Variants in AK5 observed in about 807,000 individuals in gnomAD.
The protein encoded by AK5 is adenylate kinase isoenzyme 5.
AK5 carries 27 observed loss-of-function variants against 69.5 expected under a neutral mutation model. The observed-to-expected ratio is 0.39, with a 90% CI of 0.29 to 0.54. AK5 has a LOEUF of 0.54. Among genes scored for constraint, AK5 ranks in the 20% least tolerant of loss-of-function variants. The pLI, the probability that AK5 is intolerant of heterozygous loss-of-function variation, is 0.71. For missense variants in AK5, 531 were observed against 700.4 expected, an observed-to-expected ratio of 0.76 and a Z score of 2.73; for synonymous variants, 260 against 244.4, an observed-to-expected ratio of 1.06 and a Z score of -0.60.
chr1:77,425,392 C>T (rs1651132253), intron 8 of AK5, among the ~76,000 whole-genome samples: 1 of 152,120 alleles, frequency 6.6e-6, no homozygotes, highest in African/African-American at 2.4e-5. Flanking sequence ...TTGAGACCAG[C>T]TTGGCCAACA....
chr1:77,424,462 G>T (rs1009085547), intron 8 of AK5, among the ~76,000 whole-genome samples: 2 of 151,796 alleles, frequency 1.3e-5, no homozygotes, highest in Non-Finnish European at 2.9e-5. Context: ...ATGCTGTGTT[G>T]CCCAGGCTGG....
intron 13 of AK5, among the ~76,000 whole-genome samples, chr1:77,546,577 G>C (rs1306807222): frequency 6.6e-6 from 1 of 152,158 alleles, no homozygotes; most frequent in East Asian, 1.9e-4. Flanking sequence ...GGGTGTGGTG[G>C]TGTGCGTCTG....
intron 6 of AK5, among the ~76,000 whole-genome samples, chr1:77,367,569 A>ATATATATATATATATGT (rs1553139695): frequency 2.2e-4 from 7 of 31,618 alleles, no homozygotes; most frequent in African/African-American, 3.8e-4. Flanking sequence ...ATATATATAT[A>ATATATATATATATATGT]TATATATATA....
At chr1:77,531,251 G>C (rs528436615) in intron 12 of AK5, among the ~76,000 whole-genome samples, 1 of 152,164 alleles carries the variant, frequency 6.6e-6, no homozygotes, top group African/African-American at 2.4e-5. Flanking sequence ...CCCAAAGAGT[G>C]AGCAGTAGCA....
chr1:77,471,391 T>C (rs1177000626), intron 8 of AK5, among the ~76,000 whole-genome samples: 1 of 152,246 alleles, frequency 6.6e-6, no homozygotes, highest in Non-Finnish European at 1.5e-5. Context: ...AATGTAGTTA[T>C]TGTTATTGTA....
intron 5 of AK5, among the ~76,000 whole-genome samples, chr1:77,301,629 A>G (rs1285770068): frequency 6.6e-6 from 1 of 152,154 alleles, no homozygotes; most frequent in Non-Finnish European, 1.5e-5. Flanking sequence ...AAAGTGGAGA[A>G]TCTCTACTCT....
chr1:77,475,195 A>ATATGTGTG (rs1182380859), intron 8 of AK5, among the ~76,000 whole-genome samples: 8 of 29,158 alleles, frequency 2.7e-4, no homozygotes, highest in African/African-American at 9.7e-4. Flanking sequence ...ATATATATAT[A>ATATGTGTG]TGTGTGTGTG....
In AK5 at chr1:77,532,084, C is replaced by G. The variant is rs185786134; in HGVS notation, c.1429-3763C>G. The G allele has an allele frequency of 5.3e-3, 809 of 153,276 alleles. 17 individuals are homozygous for G. Among genetic ancestry groups the G allele is most frequent in the East Asian group, 0.028 (147 of 5,166 alleles). The allele number at this position is 153,276 out of a possible 1,614,324, so 9.5% of individuals were successfully genotyped here. ...GCGCCTGCAAGCGCTGCGCACAGTC[C>G]CGGTTCCCGCCTGCGCCTCTCCCTC... On this transcript the variant is annotated intron_variant, in intron 12 of 13. Transcript: ENST00000354567.
chr1:77,487,940 GA>G (rs1655704468), intron 10 of AK5, among the ~76,000 whole-genome samples: 1 of 152,242 alleles, frequency 6.6e-6, no homozygotes, highest in Non-Finnish European at 1.5e-5. Flanking sequence ...AAAGTATTAG[GA>G]AGGAACCAAA....
chr1:77,528,519 C>A (rs556199769), intron 12 of AK5, among the ~76,000 whole-genome samples: 1 of 152,166 alleles, frequency 6.6e-6, no homozygotes, highest in African/African-American at 2.4e-5. Context: ...CATATGACAT[C>A]GCTAAAAATC....
At chr1:77,446,038 T>C (rs1652731905) in intron 8 of AK5, among the ~76,000 whole-genome samples, 1 of 152,232 alleles carries the variant, frequency 6.6e-6, no homozygotes, top group African/African-American at 2.4e-5. Context: ...CTCCTGTGTT[T>C]TCTTTTAGGA....
chr1:77,416,255 T>A (rs1006795257), intron 7 of AK5, among the ~76,000 whole-genome samples: 1 of 152,166 alleles, frequency 6.6e-6, no homozygotes, highest in African/African-American at 2.4e-5. Context: ...GTTTCCCACC[T>A]CTACCTTCTA....
intron 6 of AK5, among the ~76,000 whole-genome samples, chr1:77,387,217 A>T (rs1648095773): frequency 1.3e-5 from 2 of 152,230 alleles, no homozygotes; most frequent in South Asian, 4.1e-4. Context: ...TGACCAGAAG[A>T]CTAAGCCAGA....
chr1:77,439,802 ATACATACATATATATG>A (rs1293578361), intron 8 of AK5, among the ~76,000 whole-genome samples: 1 of 151,670 alleles, frequency 6.6e-6, no homozygotes, highest in Non-Finnish European at 1.5e-5. Context: ...GTATATGTAT[ATACATACATATATATG>A]TATGTATGTA....
chr1:77,320,762 T>C (rs937278204), intron 5 of AK5, among the ~76,000 whole-genome samples: 1 of 151,996 alleles, frequency 6.6e-6, no homozygotes, highest in Admixed American at 6.6e-5. Flanking sequence ...AAAAAAGGTA[T>C]ACCATGAAAA....
chr1:77,494,560 T>C (rs1298558552), intron 10 of AK5, among the ~76,000 whole-genome samples: 1 of 152,132 alleles, frequency 6.6e-6, no homozygotes, highest in Non-Finnish European at 1.5e-5. Context: ...AACTCCAAAT[T>C]TGAGCGACTA....
At chr1:77,383,619 T>C (rs1445381852) in intron 6 of AK5, among the ~76,000 whole-genome samples, 1 of 152,200 alleles carries the variant, frequency 6.6e-6, no homozygotes, top group East Asian at 1.9e-4. Flanking sequence ...CAAAGGACTA[T>C]TTGAGTAAAA....
chr1:77,486,461 C>T (rs2100728629), intron 10 of AK5, 109 bp downstream of exon 10: 2 of 679,254 alleles, frequency 2.9e-6, no homozygotes, highest in Non-Finnish European at 2.4e-6. Context: ...TGTGGGAGGC[C>T]AAGGCGGGCA....
At chr1:77,306,857 A>G (rs542733739) in intron 5 of AK5, among the ~76,000 whole-genome samples, 3 of 152,098 alleles carry the variant, frequency 2.0e-5, no homozygotes, top group Non-Finnish European at 4.4e-5. Context: ...TTTCTTCTAG[A>G]TTTCCCAATT....
Sources: allele counts gnomAD v4.1 joint callset (sites outside exome capture counted in the v4.1 genomes callset), GRCh38; gene constraint gnomAD v4.1.1; transcripts MANE v1.5; gene names NCBI Gene and HGNC (gene_info 2026-07-23, HGNC 2026-07-21).